Variants in MANBA observed in about 807,000 individuals in gnomAD.
MANBA encodes mannosidase beta.
A neutral mutation model predicts 111.1 loss-of-function variants in MANBA; 83 were observed. The observed-to-expected ratio is 0.75, with a 90% CI of 0.63 to 0.90. The LOEUF (loss-of-function observed/expected upper bound fraction) is 0.90. MANBA is among the 40% of genes least tolerant of loss of function. The pLI is 0.00. For synonymous variants in MANBA, 370 were observed against 378.7 expected (o/e 0.98, Z 0.27); for missense variants, 1,036 against 1,069.0 (o/e 0.97, Z 0.43).
At chr4:102,671,476 T>C in intron 8 of MANBA, 78 bp from the exon 9 acceptor site, 1 of 860,144 alleles carries the variant, frequency 1.2e-6, no homozygotes, top group Non-Finnish European at 1.9e-6. Flanking sequence ...ATTTCTAATC[T>C]GTTAGAAAAA....
rs553559689 is a variant in MANBA, at chr4:102,742,992, C to T, written c.178-16309G>A. Among the ~76,000 whole-genome samples the T allele has an allele frequency of 3.1e-4, 47 of 152,314 alleles. 1 individual carries two copies. Among genetic ancestry groups the T allele is most frequent in the African/African-American group, 1.1e-3 (46 of 41,564 alleles). ...TGCTGAGTCCATGTGTAACCCCCAT[C>T]CCTGCCACCATGGCCACTTTGTTCA... On this transcript the variant is annotated intron_variant, in intron 1 of 16. Transcript: ENST00000647097.
At chr4:102,689,452 T>G in intron 7 of MANBA, 122 bp downstream of exon 7, 1 of 616,056 alleles carries the variant, frequency 1.6e-6, no homozygotes, top group Non-Finnish European at 2.9e-6. Context: ...TTACTAAAGA[T>G]GATCTCTGAT....
At chr4:102,695,635 C>A (rs1732672037) in intron 5 of MANBA, among the ~76,000 whole-genome samples, 2 of 152,132 alleles carry the variant, frequency 1.3e-5, no homozygotes, top group South Asian at 4.1e-4. Flanking sequence ...GTTTCTGAGG[C>A]CCTGACTGCA....
intron 1 of MANBA, chr4:102,727,128 G>A (rs1241994384): frequency 6.8e-6 from 2 of 295,922 alleles, no homozygotes; most frequent in Non-Finnish European, 1.3e-5. Flanking sequence ...GAGCAAAGTG[G>A]GAGATCACTG....
rs542787840 is a variant in MANBA at position 102,727,706 on chromosome 4, G to C, written c.178-1023C>G. Reference sequence around the variant, plus strand: ...AATCTCCCTCAGGAGGATGGTTGTAGGTTGTGTTTTCAGAGATGGTGCCTT... The same window carrying C: ...AATCTCCCTCAGGAGGATGGTTGTACGTTGTGTTTTCAGAGATGGTGCCTT... On this transcript the variant is annotated intron_variant, in intron 1 of 16. Transcript: ENST00000647097. 156 of 1,135,170 alleles carry C rather than the reference G, an allele frequency of 1.4e-4. 1 individual carries two copies. In the African/African-American group the frequency reaches 2.3e-3, roughly 17 times the overall value. 70.3% of individuals were successfully genotyped at this position (1,135,170 alleles called of 1,614,324 possible).
At chr4:102,672,055 C>G in intron 8 of MANBA, 1 of 398,698 alleles carries the variant, frequency 2.5e-6, no homozygotes, top group Non-Finnish European at 4.4e-6. Context: ...CCAGCCCCAG[C>G]TGGGAGGGGA....
chr4:102,755,893 T>C lies in MANBA; in HGVS notation c.177+4825A>G, dbSNP rs904546048. Among the ~76,000 whole-genome samples the C allele has an allele frequency of 1.1e-3, 171 of 152,120 alleles. 3 individuals carry two copies. Among genetic ancestry groups the C allele is most frequent in the Admixed American group, 4.7e-3 (72 of 15,280 alleles). On this transcript the variant is annotated intron_variant, in intron 1 of 16. Transcript: ENST00000647097. ...AAAAAATGCTCATCATCACTGGCCA[T>C]CAGAGAAATGCAAATCAAAACCACA... is the stretch of plus-strand genomic sequence containing the variant.
intron 5 of MANBA, among the ~76,000 whole-genome samples, chr4:102,704,244 C>T (rs973853780): frequency 2.0e-5 from 3 of 152,156 alleles, no homozygotes; most frequent in South Asian, 2.1e-4. Flanking sequence ...TAAATCAGCT[C>T]TGTCTAGGCA....
intron 1 of MANBA, among the ~76,000 whole-genome samples, chr4:102,754,978 A>G (rs1723953865): frequency 6.6e-6 from 1 of 152,214 alleles, no homozygotes; most frequent in Non-Finnish European, 1.5e-5. Context: ...AGAGAACACA[A>G]ACAAATGCAA....
chr4:102,696,673 TG>T (rs1167985115), intron 5 of MANBA, among the ~76,000 whole-genome samples: 3 of 152,148 alleles, frequency 2.0e-5, no homozygotes, highest in East Asian at 1.9e-4. Context: ...TTCATCTCAC[TG>T]GGGGGAAAAC....
intron 5 of MANBA, among the ~76,000 whole-genome samples, chr4:102,698,692 CTCTATTCTGTTCCCTTGA>C (rs1732859179): frequency 6.6e-6 from 1 of 151,918 alleles, no homozygotes; most frequent in African/African-American, 2.4e-5. Context: ...TTTCTGAGGG[CTCTATTCTGTTCCCTTGA>C]TCTATATCTC....
intron 5 of MANBA, among the ~76,000 whole-genome samples, chr4:102,692,404 T>C (rs1004760254): frequency 3.3e-5 from 5 of 152,332 alleles, no homozygotes; most frequent in Non-Finnish European, 7.4e-5. Context: ...TAGAGTTTTA[T>C]ATACGCGCAG....
At chr4:102,729,130 A>C (rs1482379460) in intron 1 of MANBA, 2 of 731,306 alleles carry the variant, frequency 2.7e-6, no homozygotes, top group Non-Finnish European at 5.1e-6. Flanking sequence ...TGGCGTTGGC[A>C]TCCTTAACAG....
Position 102,635,790 on chromosome 4 carries a change from A to G in MANBA, c.2157+75T>C, listed in dbSNP as rs140829204. On this transcript the variant is annotated intron_variant, in intron 15 of 16. Transcript: ENST00000647097. ...ATTAATTTCTCTTTTATTTTCCCAA[A>G]AGAATGTAACCAAACAACTAAAGAA... 6.8e-4 allele frequency: 994 copies of G among 1,457,560 alleles called. 6 individuals carry two copies. The East Asian group carries it at 9.4e-3, about 14-fold the overall frequency. 90.3% of individuals were successfully genotyped at this position (1,457,560 alleles called of 1,614,324 possible).
chr4:102,737,700 T>C (rs917649479), intron 1 of MANBA, among the ~76,000 whole-genome samples: 1 of 152,072 alleles, frequency 6.6e-6, no homozygotes, highest in African/African-American at 2.4e-5. Flanking sequence ...GCCAGGATGG[T>C]CTCGATCTCC....
Position 102,727,405 on chromosome 4 carries a change from C to G in MANBA, c.178-722G>C, listed in dbSNP as rs950220597. The G allele has an allele frequency of 5.3e-6, 5 of 943,762 alleles. No homozygotes were observed. The African/African-American group carries it at 6.5e-5, about 12-fold the overall frequency. 58.5% of individuals were successfully genotyped at this position (943,762 alleles called of 1,614,324 possible). A position where few individuals can be genotyped will look rare whatever the true frequency, so the allele number is the denominator to read the frequency against. On this transcript the variant is annotated intron_variant, in intron 1 of 16. Coordinates refer to ENST00000647097, the MANE Select transcript of MANBA (RefSeq NM_005908.4). ...TGCTGCTCACTGATGAATCAGGAGG[C>G]CTGTCCTGGAGATGAGCTTGGTATA...
At chr4:102,671,444 A>AG (rs1731494504) in intron 8 of MANBA, 46 bp from the exon 9 acceptor site, 1 of 1,063,450 alleles carries the variant, frequency 9.4e-7, no homozygotes. Flanking sequence ...GAAAAAAAAA[A>AG]CAGATTGTGA....
At chr4:102,706,758 A>AATAATAAG (rs1733315772) in intron 5 of MANBA, among the ~76,000 whole-genome samples, 1 of 152,220 alleles carries the variant, frequency 6.6e-6, no homozygotes, top group East Asian at 1.9e-4. Context: ...GATATAATAA[A>AATAATAAG]AAAGAACCAA....
intron 1 of MANBA, chr4:102,734,711 C>T: frequency 1.2e-6 from 1 of 844,054 alleles, no homozygotes; most frequent in Non-Finnish European, 1.9e-6. Context: ...ATCCCAGGTT[C>T]AGGGTCTGAG....
Sources: gnomAD v4.1 joint callset for allele counts (sites outside exome capture counted in the v4.1 genomes callset) on GRCh38, gnomAD v4.1.1 for gene constraint, MANE v1.5 for transcripts, NCBI Gene and HGNC (gene_info 2026-07-23, HGNC 2026-07-21) for gene names.